Variants in CYB561 observed in about 807,000 individuals in gnomAD.
CYB561 encodes transmembrane ascorbate-dependent reductase CYB561.
In CYB561, 11 loss-of-function variants were observed where a neutral mutation model predicts 25.3. That is an observed-to-expected ratio of 0.44 (90% CI 0.27 to 0.72). The LOEUF is 0.72. Among genes scored for constraint, CYB561 ranks in the 30% least tolerant of loss-of-function variants. The pLI, the probability that CYB561 is intolerant of heterozygous loss-of-function variation, is 0.18. For synonymous variants in CYB561, 165 were observed against 158.8 expected, an observed-to-expected ratio of 1.04 and a Z score of -0.29; for missense variants, 295 against 334.9, an observed-to-expected ratio of 0.88 and a Z score of 0.93.
At position 63,435,710 on chromosome 17, in the gene CYB561, A is replaced by G. The variant is rs773729845; in HGVS notation, c.383T>C (p.Val128Ala). ...CACCTGCACAAAGTACAGGACAAAGACAAGGATCCCGCACCAGCTGTGTAG... is the reference window on the plus strand; with the variant it reads ...CACCTGCACAAAGTACAGGACAAAGGCAAGGATCCCGCACCAGCTGTGTAG... Reference protein sequence around the residue: ...YSLHSWCGILVFVLYFVQWLV... With the variant: ...YSLHSWCGILAFVLYFVQWLV... The change falls in exon 4 of 6, where the codon GTC (valine) becomes GCC (alanine). Residue 128 changes from valine (V) to alanine (A), a missense_variant. By Grantham distance (64) the Val-to-Ala change is moderately conservative. Coordinates refer to ENST00000360793, the MANE Select transcript of CYB561 (RefSeq NM_001915.4). 4.3e-6 allele frequency: 7 copies of G among 1,614,072 alleles called. No individual in the cohort carries two copies. In the African/African-American group the frequency reaches 8.0e-5, roughly 18 times the overall value.
chr17:63,439,539 A>T (rs971956610), intron 1 of CYB561, among the ~76,000 whole-genome samples: 3 of 151,422 alleles, frequency 2.0e-5, no homozygotes, highest in African/African-American at 7.3e-5. Flanking sequence ...TCTCAAAAAA[A>T]ATTTTTTTTA....
chr17:63,436,303 T>G lies in CYB561; in HGVS notation c.203-151A>C. 3.0e-6 allele frequency: 3 copies of G among 1,004,652 alleles called. No homozygotes were observed. Among genetic ancestry groups the G allele is most frequent in the African/African-American group, 1.6e-5 (1 of 61,336 alleles). 62.2% of individuals were successfully genotyped at this position (1,004,652 alleles called of 1,614,324 possible). ...GCAGGAACCGGAGGAGAAAGCCAGG[T>G]TCCCTGGGGACCCTGGGCAGCTCCT... On this transcript the variant is annotated intron_variant, in intron 2 of 5. Coordinates refer to ENST00000360793, the MANE Select transcript of CYB561 (RefSeq NM_001915.4). The surrounding 1 kb of genome is among the most constrained non-coding windows in gnomAD (Gnocchi z 4.8).
In CYB561 at chr17:63,434,436, G is replaced by A. The variant is rs773676944; in HGVS notation, c.722C>T (p.Thr241Met). 7.5e-6 allele frequency: 12 copies of A among 1,593,380 alleles called. No individual in the cohort carries two copies. The highest frequency in any genetic ancestry group is 4.6e-5 in the East Asian group (2 of 43,688). The change falls in exon 6 of 6, where the codon ACG becomes ATG. Residue 241 changes from threonine (T) to methionine (M), a missense_variant. Physicochemically the swap from Thr to Met is moderately conservative, Grantham distance 81 (BLOSUM62 -1). Transcript: ENST00000360793. Reference sequence around the variant, plus strand: ...GCCGGGGCTATCTCCCTCCGTCAGCGTCTTGAAGTCCATGGAGAGGGCCTG... The same window carrying A: ...GCCGGGGCTATCTCCCTCCGTCAGCATCTTGAAGTCCATGGAGAGGGCCTG... ...EEQALSMDFK[T>M]LTEGDSPGSQ
chr17:63,438,290 G>A, intron 1 of CYB561: 1 of 1,344,288 alleles, frequency 7.4e-7, no homozygotes, highest in Middle Eastern at 1.8e-4. Context: ...CGCGCTCCTT[G>A]ACGGGAAGGA....
intron 1 of CYB561, chr17:63,437,977 C>CCCCCCCCCCCCCGGG: frequency 1.5e-6 from 1 of 647,698 alleles, no homozygotes. Context: ...GCGGCCCCGC[C>CCCCCCCCCCCCCGGG]ACCCTCCCCC....
chr17:63,435,998 T>A (rs1179492786), intron 3 of CYB561, 56 bp downstream of exon 3: 8 of 1,612,860 alleles, frequency 5.0e-6, no homozygotes. Context: ...AAGCGGCTGT[T>A]TGCCATACCT....
At chr17:63,438,433 G>A (rs1244072213) in intron 1 of CYB561, 4 of 530,612 alleles carry the variant, frequency 7.5e-6, no homozygotes, top group Non-Finnish European at 1.0e-5. Context: ...ACACCCAGGA[G>A]AGCCAGCCCC....
intron 1 of CYB561, chr17:63,437,981 C>CCCCCCCCCCGG: frequency 1.3e-6 from 1 of 774,044 alleles, no homozygotes; most frequent in South Asian, 1.8e-5. Flanking sequence ...CCCCGCCACC[C>CCCCCCCCCCGG]TCCCCCGAGG....
At position 63,432,330 on chromosome 17, in the gene CYB561, C is replaced by T. The variant is rs2049231337; in HGVS notation, c.*2072G>A. The T allele has an allele frequency of 6.6e-6, 1 of 152,208 alleles. No individual in the cohort carries two copies. The highest frequency in any genetic ancestry group is 6.5e-5 in the Admixed American group (1 of 15,282). 9.4% of individuals were successfully genotyped at this position (152,208 alleles called of 1,614,324 possible). A position where few individuals can be genotyped will look rare whatever the true frequency, so the allele number is the denominator to read the frequency against. On this transcript the variant is annotated 3_prime_UTR_variant, in exon 6 of 6. Transcript: ENST00000360793. ...CTGCTGTAGACATTTATTGAATCAT[C>T]TGTTGCACCAACAGCACATTGTATT...
chr17:63,445,680 C>T (rs756518167), intron 1 of CYB561, among the ~76,000 whole-genome samples: 47 of 152,160 alleles, frequency 3.1e-4, no homozygotes, highest in Non-Finnish European at 6.5e-4. Context: ...CGGCCTGACC[C>T]ACCACAGGGC....
At chr17:63,444,136 C>G (rs75065845) in intron 1 of CYB561, among the ~76,000 whole-genome samples, 1 of 152,158 alleles carries the variant, frequency 6.6e-6, no homozygotes, top group Admixed American at 6.5e-5. Context: ...GCGTGCTCCA[C>G]GATGCCTGGC....
intron 1 of CYB561, among the ~76,000 whole-genome samples, chr17:63,445,588 C>CAGGGAGGG (rs916459654): frequency 5.1e-5 from 7 of 136,368 alleles, no homozygotes; most frequent in Admixed American, 2.9e-4. Context: ...GGGGACAGGG[C>CAGGGAGGG]AGGGAGGGAG....
In CYB561 at chr17:63,437,556, A is replaced by G; in HGVS notation, c.-9T>C. On this transcript the variant is annotated 5_prime_UTR_variant, in exon 2 of 6. Transcript: ENST00000360793. ...GCGGCCCCGCCCTCCATGCTGAGGC[A>G]AACGCTGCAAGAAAGAGCAGAGCTC... is the stretch of plus-strand genomic sequence containing the variant. 6.2e-7 allele frequency: 1 copy of G among 1,605,226 alleles called. No homozygotes were observed. The highest frequency in any genetic ancestry group is 8.5e-7 in the Non-Finnish European group (1 of 1,179,384).
At chr17:63,437,225 C>T in intron 2 of CYB561, 121 bp downstream of exon 2, 1 of 804,098 alleles carries the variant, frequency 1.2e-6, no homozygotes, top group Non-Finnish European at 2.0e-6. Context: ...CTGTCTCTGT[C>T]TTTTCTAGAA....
chr17:63,435,291 C>G, intron 4 of CYB561, 48 bp from the exon 5 acceptor site: 2 of 1,593,902 alleles, frequency 1.3e-6, no homozygotes, highest in Non-Finnish European at 1.7e-6. Context: ...CCGGACACCC[C>G]AGCAGCCGAG....
intron 1 of CYB561, among the ~76,000 whole-genome samples, chr17:63,443,284 G>A (rs768884237): frequency 3.9e-5 from 6 of 152,164 alleles, no homozygotes; most frequent in Non-Finnish European, 7.4e-5. Flanking sequence ...AAGCCCTGGT[G>A]CATGCAGAGA....
At position 63,434,441 on chromosome 17, in the gene CYB561, G is replaced by A; in HGVS notation, c.717C>T (p.Phe239=). ...QAEEQALSMD[F]KTLTEGDSPG... Reference sequence around the variant, plus strand: ...GGCTATCTCCCTCCGTCAGCGTCTTGAAGTCCATGGAGAGGGCCTGCTCTT... The same window carrying A: ...GGCTATCTCCCTCCGTCAGCGTCTTAAAGTCCATGGAGAGGGCCTGCTCTT... Residue 239 remains phenylalanine, a synonymous_variant, in exon 6 of 6, where the codon TTC becomes TTT. Transcript: ENST00000360793. The A allele has an allele frequency of 6.3e-7, 1 of 1,596,862 alleles. No individual in the cohort carries two copies. Among genetic ancestry groups the A allele is most frequent in the South Asian group, 1.1e-5 (1 of 88,426 alleles).
At position 63,433,084 on chromosome 17, in the gene CYB561, A is replaced by G. The variant is rs139361809; in HGVS notation, c.*1318T>C. The G allele has an allele frequency of 4.1e-3, 1,207 of 295,752 alleles. 14 individuals carry two copies. Among genetic ancestry groups the G allele is most frequent in the African/African-American group, 0.024 (1,108 of 46,034 alleles). 18.3% of individuals were successfully genotyped at this position (295,752 alleles called of 1,614,324 possible). ...TTTTTCTTTTTTGAGCCTGTCGCCC[A>G]GGCTGGAGTGCAATCTCAGCTCACT... is the stretch of plus-strand genomic sequence containing the variant. On this transcript the variant is annotated 3_prime_UTR_variant, in exon 6 of 6. Transcript: ENST00000360793.
chr17:63,438,501 G>A (rs1260345595), intron 1 of CYB561, among the ~76,000 whole-genome samples: 9 of 139,386 alleles, frequency 6.5e-5, no homozygotes, highest in African/African-American at 1.6e-4. Flanking sequence ...CGCGCCTGCA[G>A]AGTAGAAGTG....
Sources: gnomAD v4.1 joint callset for allele counts (sites outside exome capture counted in the v4.1 genomes callset) on GRCh38, gnomAD v4.1.1 for gene constraint, Gnocchi (gnomAD v3.1) non-coding constraint, MANE v1.5 for transcripts, NCBI Gene and HGNC (gene_info 2026-07-23, HGNC 2026-07-21) for gene names.